Variants in ASAP1 observed in about 807,000 individuals in gnomAD.
The protein encoded by ASAP1 is arf-GAP with SH3 domain, ANK repeat and PH domain-containing protein 1.
A neutral mutation model predicts 145.2 loss-of-function variants in ASAP1; 43 were observed. The ratio of observed to expected loss-of-function variants is 0.30; its 90% CI spans 0.23 to 0.38. The LOEUF is 0.38. Ranked by LOEUF, ASAP1 falls within the 10% of genes least tolerant of loss-of-function variation. ASAP1 has a pLI of 1.00. For missense variants in ASAP1, 1,018 were observed against 1,355.3 expected, an observed-to-expected ratio of 0.75 and a Z score of 3.91; for synonymous variants, 546 against 515.5, an observed-to-expected ratio of 1.06 and a Z score of -0.80.
chr8:130,237,315 A>G (rs1322387880), intron 3 of ASAP1, among the ~76,000 whole-genome samples: 1 of 152,080 alleles, frequency 6.6e-6, no homozygotes, highest in Non-Finnish European at 1.5e-5. Context: ...TCTTTCATGC[A>G]TTTACAATCT....
chr8:130,088,002 G>A (rs1320621617), intron 25 of ASAP1, among the ~76,000 whole-genome samples: 1 of 152,130 alleles, frequency 6.6e-6, no homozygotes, highest in African/African-American at 2.4e-5. Flanking sequence ...GGGGGTCAGA[G>A]GACAAGCTGT....
chr8:130,209,867 A>T (rs1024794973), intron 5 of ASAP1, among the ~76,000 whole-genome samples: 1 of 152,218 alleles, frequency 6.6e-6, no homozygotes, highest in African/African-American at 2.4e-5. Context: ...TTTTCTTGAA[A>T]ATGAATGAAG....
chr8:130,160,809 G>T, intron 11 of ASAP1: 1 of 1,282,338 alleles, frequency 7.8e-7, no homozygotes, highest in Non-Finnish European at 1.0e-6. Context: ...ATCAGGAAGG[G>T]CAAAAGAAAC....
intron 4 of ASAP1, among the ~76,000 whole-genome samples, chr8:130,236,570 G>A (rs758001447): frequency 2.0e-5 from 3 of 152,056 alleles, no homozygotes; most frequent in African/African-American, 4.8e-5. Flanking sequence ...ACTGAAGAAG[G>A]GAAAAGATTC....
At chr8:130,339,261 A>G (rs1054928472) in intron 3 of ASAP1, among the ~76,000 whole-genome samples, 1 of 152,228 alleles carries the variant, frequency 6.6e-6, no homozygotes, top group Non-Finnish European at 1.5e-5. Flanking sequence ...TTCTTCACCA[A>G]TATCTCAAGG....
At chr8:130,410,220 G>A (rs1281421923) in intron 1 of ASAP1, among the ~76,000 whole-genome samples, 1 of 152,086 alleles carries the variant, frequency 6.6e-6, no homozygotes, top group Non-Finnish European at 1.5e-5. Flanking sequence ...TAAGGAATAA[G>A]ACCTTCGTCA....
chr8:130,432,398 G>C (rs951839723), intron 1 of ASAP1, among the ~76,000 whole-genome samples: 1 of 152,026 alleles, frequency 6.6e-6, no homozygotes, highest in Non-Finnish European at 1.5e-5. Context: ...AAGTATAAAG[G>C]TTCTTCATTT....
intron 3 of ASAP1, among the ~76,000 whole-genome samples, chr8:130,336,007 G>A (rs1825010264): frequency 6.6e-6 from 1 of 152,174 alleles, no homozygotes; most frequent in African/African-American, 2.4e-5. Flanking sequence ...CAGGAAAAGA[G>A]AGCCCCAGAA....
intron 1 of ASAP1, among the ~76,000 whole-genome samples, chr8:130,413,621 T>G (rs1171380589): frequency 1.3e-5 from 2 of 152,120 alleles, no homozygotes; most frequent in African/African-American, 4.8e-5. Context: ...GTTTGAAAAA[T>G]GAGGAGCCTG....
At chr8:130,125,589 T>C (rs768593734) in intron 17 of ASAP1, among the ~76,000 whole-genome samples, 27 of 152,320 alleles carry the variant, frequency 1.8e-4, no homozygotes, top group Middle Eastern at 3.4e-3. Context: ...ATAAACTCTT[T>C]AGTCATTATT....
intron 3 of ASAP1, among the ~76,000 whole-genome samples, chr8:130,278,233 A>G (rs982206416): frequency 6.6e-6 from 1 of 152,240 alleles, no homozygotes; most frequent in African/African-American, 2.4e-5. Flanking sequence ...CATTGTAGTA[A>G]CATGAGCATT....
At chr8:130,062,793 A>G (rs973265245) in intron 27 of ASAP1, among the ~76,000 whole-genome samples, 1 of 152,196 alleles carries the variant, frequency 6.6e-6, no homozygotes, top group African/African-American at 2.4e-5. Flanking sequence ...ACCCATCTGA[A>G]TGCAGGGGAT....
In ASAP1 at chr8:130,117,635, T is replaced by C. The variant is rs531728382; in HGVS notation, c.1880+526A>G. 2.3e-4 allele frequency among the ~76,000 whole-genome samples: 35 copies of C among 152,330 alleles called. No homozygotes were observed. The South Asian group carries it at 7.0e-3, about 31-fold the overall frequency. On this transcript the variant is annotated intron_variant, in intron 20 of 29. Coordinates refer to ENST00000518721, the MANE Select transcript of ASAP1 (RefSeq NM_018482.4). ...TCCTATATTCACTCTTATACTTCCA[T>C]CAGTATATCCCAAACTTGAATGAGC...
chr8:130,312,453 GA>G (rs34344345), intron 3 of ASAP1, among the ~76,000 whole-genome samples: 44,183 of 150,958 alleles, frequency 0.29, 6,468 homozygotes, highest in Admixed American at 0.31. Context: ...AAAAGGAGGG[GA>G]AAAAAAACCC....
At chr8:130,388,693 C>T (rs1828135868) in intron 2 of ASAP1, among the ~76,000 whole-genome samples, 1 of 152,036 alleles carries the variant, frequency 6.6e-6, no homozygotes, top group African/African-American at 2.4e-5. Context: ...CAAAAGAAAA[C>T]CGTGTTTTTA....
At chr8:130,335,803 A>G (rs1483126889) in intron 3 of ASAP1, among the ~76,000 whole-genome samples, 1 of 152,220 alleles carries the variant, frequency 6.6e-6, no homozygotes, top group African/African-American at 2.4e-5. Flanking sequence ...CTGTGAACAC[A>G]ACAGGAGTAG....
chr8:130,116,586 T>C, intron 22 of ASAP1, 92 bp downstream of exon 22: 4 of 1,125,794 alleles, frequency 3.6e-6, no homozygotes, highest in Non-Finnish European at 5.3e-6. Flanking sequence ...AAAAAATGAA[T>C]CTGCATTTTT....
chr8:130,344,664 A>T (rs777849930), intron 3 of ASAP1, among the ~76,000 whole-genome samples: 12 of 152,326 alleles, frequency 7.9e-5, no homozygotes, highest in South Asian at 2.1e-4. Context: ...AGCCCAGGAG[A>T]TAGAACCTGC....
intron 3 of ASAP1, among the ~76,000 whole-genome samples, chr8:130,282,183 T>C (rs1821293879): frequency 6.6e-6 from 1 of 152,160 alleles, no homozygotes; most frequent in Non-Finnish European, 1.5e-5. Flanking sequence ...TTTGATTTAA[T>C]CACACTGTCA....
Sources: gnomAD v4.1 joint callset for allele counts (sites outside exome capture counted in the v4.1 genomes callset) on GRCh38, gnomAD v4.1.1 for gene constraint, MANE v1.5 for transcripts, NCBI Gene and HGNC (gene_info 2026-07-23, HGNC 2026-07-21) for gene names.